Variants in NLGN4Y observed in about 807,000 individuals in gnomAD.
NLGN4Y encodes neuroligin 4 Y-linked, also known as neuroligin-4, Y-linked.
Under a neutral mutation model 8.4 loss-of-function variants are expected in NLGN4Y, and 4 were observed. The observed-to-expected ratio is 0.48, with a 90% CI of 0.23 to 1.09. NLGN4Y has a LOEUF of 1.09. Ranked by LOEUF, NLGN4Y falls within the 50% of genes least tolerant of loss-of-function variation. The pLI is 0.19. For synonymous variants in NLGN4Y, 35 were observed against 75.6 expected (o/e 0.46, Z 2.78); for missense variants, 90 against 192.3 (o/e 0.47, Z 3.15).
chrY:14,697,206 CAGATAGATAGATAGATAGAT>C (rs200602431), intron 2 of NLGN4Y, among the ~76,000 whole-genome samples: 3 of 24,229 alleles, frequency 1.2e-4, no homozygotes, highest in Non-Finnish European at 1.9e-4. Context: ...GGTAGGTAGG[CAGATAGATAGATAGATAGAT>C]AGATAGATAG....
intron 2 of NLGN4Y, among the ~76,000 whole-genome samples, chrY:14,633,397 C>A: frequency 3.0e-5 from 1 of 33,677 alleles, no homozygotes; most frequent in East Asian, 7.8e-4. Context: ...CAGTGTGGTG[C>A]AGTATCCACA....
intron 1 of NLGN4Y, among the ~76,000 whole-genome samples, chrY:14,569,553 A>C (rs932240014): frequency 3.0e-5 from 1 of 33,272 alleles, no homozygotes; most frequent in African/African-American, 1.2e-4. Flanking sequence ...TGTTTTTGCT[A>C]TTGTGAATAT....
At chrY:14,772,618 A>G in intron 4 of NLGN4Y, among the ~76,000 whole-genome samples, 1 of 33,523 alleles carries the variant, frequency 3.0e-5, no homozygotes, top group Non-Finnish European at 7.4e-5. Context: ...AAAAAATAAA[A>G]ATAGAATTTC....
chrY:14,743,905 A>G (rs2081016819), intron 4 of NLGN4Y, among the ~76,000 whole-genome samples: 1 of 33,141 alleles, frequency 3.0e-5, no homozygotes, highest in Non-Finnish European at 7.4e-5. Flanking sequence ...TTGCATCGTG[A>G]TCTCTTCTTT....
intron 1 of NLGN4Y, among the ~76,000 whole-genome samples, chrY:14,552,490 A>G: frequency 2.9e-5 from 1 of 34,037 alleles, no homozygotes; most frequent in East Asian, 7.7e-4. Context: ...AAAATTTCAG[A>G]CAAATATCCC....
At chrY:14,597,567 A>G in intron 1 of NLGN4Y, among the ~76,000 whole-genome samples, 4 of 33,252 alleles carry the variant, frequency 1.2e-4, no homozygotes, top group African/African-American at 3.5e-4. Flanking sequence ...GAGCAGCTAG[A>G]TACAGAGTGT....
chrY:14,794,581 A>T (rs2042999206), intron 4 of NLGN4Y, among the ~76,000 whole-genome samples: 2 of 33,650 alleles, frequency 5.9e-5, no homozygotes, highest in African/African-American at 2.3e-4. Context: ...CTCTTTCAGA[A>T]GCTGGGTATT....
chrY:14,774,130 T>C, intron 4 of NLGN4Y, among the ~76,000 whole-genome samples: 1 of 33,186 alleles, frequency 3.0e-5, no homozygotes, highest in Non-Finnish European at 7.4e-5. Flanking sequence ...CCAAAAGCAA[T>C]GGCAACAGAA....
At chrY:14,838,189 G>A (rs2043203727) in intron 6 of NLGN4Y, among the ~76,000 whole-genome samples, 2 of 33,367 alleles carry the variant, frequency 6.0e-5, no homozygotes, top group African/African-American at 2.3e-4. Flanking sequence ...TTTCAAAGCC[G>A]TATCAAAATG....
intron 1 of NLGN4Y, among the ~76,000 whole-genome samples, chrY:14,544,401 G>T: frequency 3.0e-5 from 1 of 33,178 alleles, no homozygotes; most frequent in Non-Finnish European, 7.4e-5. Context: ...TTCCTTTAAA[G>T]ACTGAGAAAC....
chrY:14,756,573 C>A (rs761346528), intron 4 of NLGN4Y, among the ~76,000 whole-genome samples: 3 of 28,188 alleles, frequency 1.1e-4, no homozygotes, highest in African/African-American at 4.2e-4. Context: ...CATGATGAAA[C>A]CCCATCTCTA....
At chrY:14,691,871 A>G in intron 2 of NLGN4Y, among the ~76,000 whole-genome samples, 1 of 33,441 alleles carries the variant, frequency 3.0e-5, no homozygotes, top group Non-Finnish European at 7.5e-5. Flanking sequence ...GACCTATTAT[A>G]TTGAAAATAT....
At chrY:14,617,191 A>G in intron 1 of NLGN4Y, among the ~76,000 whole-genome samples, 1 of 29,475 alleles carries the variant, frequency 3.4e-5, no homozygotes, top group Non-Finnish European at 8.0e-5. Flanking sequence ...CTTTACCATT[A>G]TATAATGGCC....
intron 1 of NLGN4Y, among the ~76,000 whole-genome samples, chrY:14,550,469 G>A: frequency 3.0e-5 from 1 of 33,784 alleles, no homozygotes; most frequent in African/African-American, 1.2e-4. Context: ...TTTCTTCATA[G>A]CAACCTTGGT....
At chrY:14,547,582 G>A in intron 1 of NLGN4Y, among the ~76,000 whole-genome samples, 1 of 33,819 alleles carries the variant, frequency 3.0e-5, no homozygotes, top group African/African-American at 1.1e-4. Context: ...CAAGTGTTGA[G>A]GATGGGCTGT....
intron 4 of NLGN4Y, among the ~76,000 whole-genome samples, chrY:14,731,624 C>T: frequency 2.1e-4 from 7 of 32,771 alleles, no homozygotes; most frequent in Non-Finnish European, 4.5e-4. Flanking sequence ...CGTGCTGAAG[C>T]GAGGTGGTAA....
At chrY:14,723,061 A>C in intron 3 of NLGN4Y, 56 bp from the exon 4 acceptor site, 1 of 339,800 alleles carries the variant, frequency 2.9e-6, no homozygotes, top group Admixed American at 7.7e-5. Context: ...ATTTAGCATC[A>C]GTGAGTGAGC....
At chrY:14,684,037 C>T in intron 2 of NLGN4Y, among the ~76,000 whole-genome samples, 1 of 34,176 alleles carries the variant, frequency 2.9e-5, no homozygotes. Context: ...CATGTCTAAA[C>T]ATATTCAAAT....
intron 4 of NLGN4Y, among the ~76,000 whole-genome samples, chrY:14,760,839 A>G: frequency 3.0e-5 from 1 of 33,804 alleles, no homozygotes; most frequent in Non-Finnish European, 7.3e-5. Context: ...AAGAAGATAC[A>G]ATATTGTTAA....
Sources: allele counts gnomAD v4.1 joint callset (sites outside exome capture counted in the v4.1 genomes callset), GRCh38; gene constraint gnomAD v4.1.1; transcripts MANE v1.5; gene names NCBI Gene and HGNC (gene_info 2026-07-23, HGNC 2026-07-21).